CATSPERE: variants seen among roughly 807,000 people sequenced by gnomAD.
CATSPERE encodes the protein cation channel sperm-associated auxiliary subunit epsilon.
In CATSPERE, 93 loss-of-function variants were observed where a neutral mutation model predicts 114.1. The observed-to-expected ratio is 0.81, with a 90% CI of 0.69 to 0.97. The LOEUF is 0.97. Among genes scored for constraint, CATSPERE ranks in the 50% least tolerant of loss-of-function variants. CATSPERE has a pLI of 0.00. For synonymous variants in CATSPERE, 341 were observed against 384.1 expected (o/e 0.89, Z 1.31); for missense variants, 1,058 against 1,131.6 (o/e 0.93, Z 0.93).
intron 12 of CATSPERE, 93 bp from the exon 13 acceptor site, chr1:244,583,771 G>T: frequency 8.7e-7 from 1 of 1,143,116 alleles, no homozygotes. Flanking sequence ...CAATCACACC[G>T]TGCACATGGG....
intron 18 of CATSPERE, among the ~76,000 whole-genome samples, chr1:244,606,596 C>A (rs1466778378): frequency 3.1e-5 from 4 of 130,910 alleles, no homozygotes; most frequent in Admixed American, 1.8e-4. Flanking sequence ...TGCAAGAATT[C>A]TTTCTTTTGC....
At position 244,495,805 on chromosome 1, in the gene CATSPERE, A is replaced by G. The variant is rs79582466; in HGVS notation, c.352-3197A>G. ...GTAAAGCTCTACTGACTGGCTTAGG[A>G]TAATTACAAAGAAATGATACACCTC... On this transcript the variant is annotated intron_variant, in intron 6 of 21. Transcript: ENST00000366534. Among the ~76,000 whole-genome samples, 850 of 152,284 alleles carry G rather than the reference A, an allele frequency of 5.6e-3. 7 individuals carry two copies. Among genetic ancestry groups the G allele is most frequent in the African/African-American group, 0.02 (812 of 41,548 alleles).
intron 10 of CATSPERE, among the ~76,000 whole-genome samples, chr1:244,565,960 C>T (rs957259621): frequency 6.6e-6 from 1 of 152,130 alleles, no homozygotes; most frequent in Admixed American, 6.6e-5. Context: ...CCTGCTTTCT[C>T]CTGTGGGGAT....
chr1:244,617,427 C>G (rs1671537467), intron 19 of CATSPERE, 102 bp from the exon 20 acceptor site: 1 of 856,322 alleles, frequency 1.2e-6, no homozygotes, highest in African/African-American at 1.8e-5. Context: ...AAGGGAATAG[C>G]CATTACATCT....
intron 20 of CATSPERE, among the ~76,000 whole-genome samples, chr1:244,634,244 G>A (rs1310485759): frequency 6.6e-6 from 1 of 152,126 alleles, no homozygotes; most frequent in African/African-American, 2.4e-5. Flanking sequence ...TATAATGGTA[G>A]AGTCTACTTT....
intron 2 of CATSPERE, among the ~76,000 whole-genome samples, chr1:244,471,855 G>A (rs1668522538): frequency 6.6e-6 from 1 of 152,150 alleles, no homozygotes; most frequent in Admixed American, 6.5e-5. Flanking sequence ...GTACATATGT[G>A]GGGACATATA....
In CATSPERE at chr1:244,607,377, C is replaced by T. The variant is rs953150602; in HGVS notation, c.2403+1583C>T. ...CCATTCAGTTGACATCTATGCCATC[C>T]CTACTTACTGGTACCGTATACTCAG... On this transcript the variant is annotated intron_variant, in intron 18 of 21. Coordinates refer to ENST00000366534, the MANE Select transcript of CATSPERE (RefSeq NM_001130957.2). The surrounding 1 kb of genome is among the most constrained non-coding windows in gnomAD (Gnocchi z 4.4). Among the ~76,000 whole-genome samples the T allele has an allele frequency of 6.6e-5, 10 of 152,212 alleles. No individual in the cohort carries two copies. The highest frequency in any genetic ancestry group is 1.3e-4 in the Non-Finnish European group (9 of 68,044).
At chr1:244,482,581 G>A (rs1308374014) in intron 5 of CATSPERE, among the ~76,000 whole-genome samples, 1 of 152,034 alleles carries the variant, frequency 6.6e-6, no homozygotes, top group East Asian at 1.9e-4. Flanking sequence ...CAGCCTCCAT[G>A]ACAGAGTGAG....
In CATSPERE at chr1:244,552,735, G is replaced by A; in HGVS notation, c.950G>A (p.Gly317Glu). 1 of 1,613,822 alleles carries A rather than the reference G, an allele frequency of 6.2e-7. No individual in the cohort carries two copies. Among genetic ancestry groups the A allele is most frequent in the Non-Finnish European group, 8.5e-7 (1 of 1,179,928 alleles). The change falls in exon 9 of 22, where the codon GGA becomes GAA. Residue 317 changes from glycine (G) to glutamate (E), a missense_variant. Gly to Glu is a moderately conservative substitution (Grantham distance 98). Transcript: ENST00000366534. Reference sequence around the variant, plus strand: ...AGTTTTCGTGGATTTATAAGACTGGGAGGAATTGTAAATCTTCCTGATGGT... The same window carrying A: ...AGTTTTCGTGGATTTATAAGACTGGAAGGAATTGTAAATCTTCCTGATGGT... ...IKSFRGFIRL[G>E]GIVNLPDGGI...
intron 7 of CATSPERE, among the ~76,000 whole-genome samples, chr1:244,517,666 G>A (rs1173405360): frequency 1.3e-5 from 2 of 151,748 alleles, no homozygotes; most frequent in Non-Finnish European, 2.9e-5. Context: ...TCAGCTACTT[G>A]GGAGGCTGAA....
At chr1:244,593,213 G>A (rs908924511) in intron 15 of CATSPERE, among the ~76,000 whole-genome samples, 182 bp from the exon 16 acceptor site, 5 of 152,296 alleles carry the variant, frequency 3.3e-5, no homozygotes, top group East Asian at 1.9e-4. Context: ...AGTAATTCAC[G>A]CCTTAGTGGT....
Position 244,633,628 on chromosome 1 carries a change from GCA to G in CATSPERE, c.2649-1847_2649-1846del, listed in dbSNP as rs149777341. On this transcript the variant is annotated intron_variant, in intron 20 of 21. Transcript: ENST00000366534. The surrounding 1 kb of genome is among the most constrained non-coding windows in gnomAD (Gnocchi z 4.1). ...CATGTGCAGGCATGAGCACACGCAT[GCA>G]CACACACACACACGCACACAAAACC... 1.7e-4 allele frequency among the ~76,000 whole-genome samples: 26 copies of G among 150,388 alleles called. No homozygotes were observed. Among genetic ancestry groups the G allele is most frequent in the Non-Finnish European group, 2.5e-4 (17 of 67,354 alleles).
intron 8 of CATSPERE, among the ~76,000 whole-genome samples, chr1:244,548,435 C>T (rs180713356): frequency 6.3e-4 from 96 of 152,324 alleles, no homozygotes; most frequent in African/African-American, 2.2e-3. Flanking sequence ...AGCCAGCTAC[C>T]TGGTGGCAGG....
chr1:244,585,576 C>A (rs1666911796), intron 13 of CATSPERE, among the ~76,000 whole-genome samples: 1 of 152,186 alleles, frequency 6.6e-6, no homozygotes, highest in Admixed American at 6.5e-5. Flanking sequence ...TCCTTGTGCT[C>A]CCACACTCAT....
At chr1:244,606,461 A>G (rs1439435857) in intron 18 of CATSPERE, among the ~76,000 whole-genome samples, 3 of 151,748 alleles carry the variant, frequency 2.0e-5, no homozygotes, top group Non-Finnish European at 2.9e-5. Context: ...AAAAAACACA[A>G]AAAACAGGGA....
Position 244,560,869 on chromosome 1 carries a change from A to T in CATSPERE, c.1231A>T (p.Thr411Ser). 1 of 1,614,146 alleles carries T rather than the reference A, an allele frequency of 6.2e-7. No homozygotes were observed. The highest frequency in any genetic ancestry group is 1.3e-5 in the African/African-American group (1 of 75,062). ...GATTGCTGTGTTTTTAAATTATTGC[A>T]CTGTATGTAACGTCACCAAAAAGAT... is the stretch of plus-strand genomic sequence containing the variant. ...LEIAVFLNYC[T>S]VCNVTKKIFL... Residue 411 changes from threonine to serine, a missense_variant, in exon 10 of 22, where the codon ACT (threonine) becomes TCT (serine). Transcript: ENST00000366534.
Position 244,461,300 on chromosome 1 carries a change from C to T in CATSPERE, c.-130C>T, listed in dbSNP as rs1666708846. The T allele has an allele frequency of 1.3e-6, 1 of 755,680 alleles. No homozygotes were observed. The highest frequency in any genetic ancestry group is 4.3e-5 in the Admixed American group (1 of 23,076). The allele number at this position is 755,680 out of a possible 1,614,324, so 46.8% of individuals were successfully genotyped here. ...ACTTCTCCCTCGCTGGTCTTCAGGCCCGGCCCGCCCTGTCCAGAGGCGCCG... is the reference window on the plus strand; with the variant it reads ...ACTTCTCCCTCGCTGGTCTTCAGGCTCGGCCCGCCCTGTCCAGAGGCGCCG... On this transcript the variant is annotated 5_prime_UTR_variant, in exon 1 of 22. Coordinates refer to ENST00000366534, the MANE Select transcript of CATSPERE (RefSeq NM_001130957.2).
intron 16 of CATSPERE, 32 bp downstream of exon 16, chr1:244,593,460 C>T: frequency 1.2e-6 from 2 of 1,613,120 alleles, no homozygotes; most frequent in South Asian, 1.1e-5. Context: ...GTCAATGGAC[C>T]AAATATATAA....
rs143147137 is a variant in CATSPERE, at chr1:244,590,612, CT to C, written c.2139-1068del. ...TCCCATTCTCCCTTTCCCCCAGCCC[CT>C]GGCAACCATAATCTGCTGTCTCAAA... is the stretch of plus-strand genomic sequence containing the variant. On this transcript the variant is annotated intron_variant, in intron 14 of 21. Coordinates refer to ENST00000366534, the MANE Select transcript of CATSPERE (RefSeq NM_001130957.2). Among the ~76,000 whole-genome samples, 826 of 152,336 alleles carry C rather than the reference CT, an allele frequency of 5.4e-3. 5 individuals are homozygous for C. The highest frequency in any genetic ancestry group is 0.019 in the African/African-American group (798 of 41,560).
Sources: allele counts gnomAD v4.1 joint callset (sites outside exome capture counted in the v4.1 genomes callset), GRCh38; gene constraint gnomAD v4.1.1; non-coding constraint Gnocchi (gnomAD v3.1); transcripts MANE v1.5; gene names NCBI Gene and HGNC (gene_info 2026-07-23, HGNC 2026-07-21).